ATF7IP2: variants seen among roughly 807,000 people sequenced by gnomAD.
The protein encoded by ATF7IP2 is activating transcription factor 7-interacting protein 2.
ATF7IP2 carries 42 observed loss-of-function variants against 64.2 expected under a neutral mutation model. That is an observed-to-expected ratio of 0.65 (90% confidence interval 0.51 to 0.85). ATF7IP2 has a LOEUF of 0.85. Among genes scored for constraint, ATF7IP2 ranks in the 40% least tolerant of loss-of-function variants. The pLI, the probability that ATF7IP2 is intolerant of heterozygous loss-of-function variation, is 0.00. For synonymous variants in ATF7IP2, 308 were observed against 272.8 expected, an observed-to-expected ratio of 1.13 and a Z score of -1.27; for missense variants, 933 against 784.2, an observed-to-expected ratio of 1.19 and a Z score of -2.27.
chr16:10,464,357 A>T (rs903061127), intron 9 of ATF7IP2, among the ~76,000 whole-genome samples: 7 of 152,176 alleles, frequency 4.6e-5, no homozygotes, highest in Non-Finnish European at 7.4e-5. Context: ...AGGAGATTTT[A>T]TAATTGTTTT....
At chr16:10,386,989 T>C (rs7195621) in intron 1 of ATF7IP2, 120,266 of 152,148 alleles carry the variant, frequency 0.79, 48,328 homozygotes, top group African/African-American at 0.94. Context: ...GCTTTTTCTG[T>C]TCTGAAGACT....
intron 1 of ATF7IP2, chr16:10,386,657 A>G (rs1288965358): frequency 6.6e-6 from 1 of 152,186 alleles, no homozygotes; most frequent in Non-Finnish European, 1.5e-5. Flanking sequence ...GAAAAATACA[A>G]AATTCTGAGT....
At chr16:10,419,202 T>C (rs2047939933) in intron 2 of ATF7IP2, among the ~76,000 whole-genome samples, 1 of 152,200 alleles carries the variant, frequency 6.6e-6, no homozygotes, top group African/African-American at 2.4e-5. Flanking sequence ...AACTGTGTCA[T>C]AGAATGATTA....
chr16:10,407,262 A>G (rs1277347423), intron 1 of ATF7IP2, among the ~76,000 whole-genome samples: 1 of 152,254 alleles, frequency 6.6e-6, no homozygotes, highest in East Asian at 1.9e-4. Context: ...GACCACAGTT[A>G]GTATCATCCT....
intron 3 of ATF7IP2, among the ~76,000 whole-genome samples, chr16:10,421,142 C>G (rs996703768): frequency 6.6e-6 from 1 of 152,108 alleles, no homozygotes. Context: ...TGTAATTTAA[C>G]AATCTGAGTT....
At chr16:10,451,655 G>A (rs1487602176) in intron 8 of ATF7IP2, among the ~76,000 whole-genome samples, 14 of 151,866 alleles carry the variant, frequency 9.2e-5, no homozygotes, top group Non-Finnish European at 4.4e-5. Flanking sequence ...CTCATACCGT[G>A]TTTTTCAGCT....
rs200252356 is a variant in ATF7IP2, at chr16:10,433,559, C to G, written c.870C>G (p.Asn290Lys). The stretch of plus-strand genomic sequence containing the variant: ...AAAAGAAGAGGATGTTTTCAGAAAA[C>G]GAGGAAAATGTTAAACGCATGAAAA... ...HYQKKRMFSE[N>K]EENVKRMKTS... The change falls in exon 6 of 14, where the codon AAC (asparagine) becomes AAG (lysine). Residue 290 changes from asparagine (N) to lysine (K), a missense_variant. Asn to Lys is a moderately conservative substitution (Grantham distance 94, BLOSUM62 0). Transcript: ENST00000562102. 2 of 1,612,794 alleles carry G rather than the reference C, an allele frequency of 1.2e-6. No individual in the cohort carries two copies. Among genetic ancestry groups the G allele is most frequent in the Admixed American group, 1.7e-5 (1 of 59,994 alleles).
intron 3 of ATF7IP2, 40 bp from the exon 4 acceptor site, chr16:10,428,828 A>G (rs1327299247): frequency 1.3e-5 from 2 of 152,180 alleles, no homozygotes; most frequent in African/African-American, 4.8e-5. Context: ...AGCACATTCA[A>G]TTATAAATTC....
chr16:10,474,374 G>C (rs2120586), intron 12 of ATF7IP2, among the ~76,000 whole-genome samples: 27,510 of 152,126 alleles, frequency 0.18, 2,685 homozygotes, highest in African/African-American at 0.24. Context: ...GTAGCCCGTG[G>C]TGTGGATGCA....
chr16:10,399,940 G>C (rs139961234), intron 1 of ATF7IP2, among the ~76,000 whole-genome samples: 1 of 152,210 alleles, frequency 6.6e-6, no homozygotes, highest in East Asian at 1.9e-4. Context: ...TTTATTTTAC[G>C]TTTTGTAGCT....
At chr16:10,429,680 T>C (rs1046506384) in intron 4 of ATF7IP2, among the ~76,000 whole-genome samples, 4 of 150,312 alleles carry the variant, frequency 2.7e-5, no homozygotes, top group Admixed American at 6.6e-5. Flanking sequence ...TGGAATGTTA[T>C]GTATCTTAGT....
At chr16:10,398,627 T>C (rs1015790190) in intron 1 of ATF7IP2, among the ~76,000 whole-genome samples, 2 of 152,210 alleles carry the variant, frequency 1.3e-5, no homozygotes, top group Non-Finnish European at 2.9e-5. Flanking sequence ...GCCTGTCATT[T>C]GCAAGAACAT....
chr16:10,457,425 T>C lies in ATF7IP2; in HGVS notation c.1248T>C (p.Ser416=), dbSNP rs2049209788. The part of the protein sequence containing the change: ...ILDKNLESVN[S]PIEKSSVNYE... Reference sequence around the variant, plus strand: ...ATAAGAATCTTGAGTCAGTTAATAGTCCAATTGAAAAGTCTTCTGTGAATT... The same window carrying C: ...ATAAGAATCTTGAGTCAGTTAATAGCCCAATTGAAAAGTCTTCTGTGAATT... Residue 416 remains serine (S), a synonymous_variant, in exon 9 of 14, where the codon AGT becomes AGC. Transcript: ENST00000562102. 6.2e-7 allele frequency: 1 copy of C among 1,608,290 alleles called. No homozygotes were observed. The highest frequency in any genetic ancestry group is 1.3e-5 in the African/African-American group (1 of 74,844).
In ATF7IP2 at chr16:10,480,947, G is replaced by A; in HGVS notation, c.1618G>A (p.Ala540Thr). 3 of 1,608,356 alleles carry A rather than the reference G, an allele frequency of 1.9e-6. No homozygotes were observed. The highest frequency in any genetic ancestry group is 2.6e-6 in the Non-Finnish European group (3 of 1,174,942). The change falls in exon 13 of 14, where the codon GCA (alanine) becomes ACA (threonine). Residue 540 changes from alanine (A) to threonine (T), a missense_variant. Ala to Thr is a moderately conservative substitution (Grantham distance 58). Transcript: ENST00000562102. The stretch of plus-strand genomic sequence containing the variant: ...AAACTCAAAGGAAACAACCCCATTG[G>A]CACAAAATGCAGTCCAGGTACTGAA... ...ASNSKETTPLAQNAVQVPESF... is the reference protein window; with the variant it reads ...ASNSKETTPLTQNAVQVPESF...
At chr16:10,417,803 TGTG>T (rs2047909331) in intron 2 of ATF7IP2, among the ~76,000 whole-genome samples, 1 of 152,188 alleles carries the variant, frequency 6.6e-6, no homozygotes, top group Non-Finnish European at 1.5e-5. Flanking sequence ...ATCAAGATAA[TGTG>T]GTACAGACCT....
At chr16:10,417,432 A>G (rs576172325) in intron 2 of ATF7IP2, among the ~76,000 whole-genome samples, 1 of 152,224 alleles carries the variant, frequency 6.6e-6, no homozygotes, top group East Asian at 1.9e-4. Flanking sequence ...GAGCAGCTAG[A>G]CATATCTCAC....
intron 7 of ATF7IP2, among the ~76,000 whole-genome samples, chr16:10,438,955 AG>A (rs754163363): frequency 7.4e-5 from 11 of 149,378 alleles, no homozygotes; most frequent in Non-Finnish European, 1.3e-4. Flanking sequence ...CAGGAGGCTG[AG>A]GCAGGAGAAT....
intron 9 of ATF7IP2, among the ~76,000 whole-genome samples, chr16:10,467,221 T>G (rs553851206): frequency 6.6e-6 from 1 of 152,302 alleles, no homozygotes; most frequent in East Asian, 1.9e-4. Context: ...CTCCTTCACC[T>G]TGGTGGGTCC....
At chr16:10,461,034 A>G (rs2049357204) in intron 9 of ATF7IP2, among the ~76,000 whole-genome samples, 1 of 152,144 alleles carries the variant, frequency 6.6e-6, no homozygotes, top group Non-Finnish European at 1.5e-5. Context: ...TGGGCAAAAG[A>G]CTTGTGCATC....
Sources: allele counts gnomAD v4.1 joint callset (sites outside exome capture counted in the v4.1 genomes callset), GRCh38; gene constraint gnomAD v4.1.1; transcripts MANE v1.5; gene names NCBI Gene and HGNC (gene_info 2026-07-23, HGNC 2026-07-21).